CPQ: variants seen among roughly 807,000 people sequenced by gnomAD.
The protein encoded by CPQ is Ser-Met dipeptidase.
In CPQ, 37 loss-of-function variants were observed where a neutral mutation model predicts 45.7. That is an observed-to-expected ratio of 0.81 (90% CI 0.62 to 1.07). The LOEUF (loss-of-function observed/expected upper bound fraction) is 1.07. Among genes scored for constraint, CPQ ranks in the 50% least tolerant of loss-of-function variants. The pLI is 0.00. For missense variants in CPQ, 537 were observed against 572.9 expected, an observed-to-expected ratio of 0.94 and a Z score of 0.64; for synonymous variants, 186 against 205.8, an observed-to-expected ratio of 0.90 and a Z score of 0.82.
chr8:96,684,114 G>A (rs1007138622), intron 1 of CPQ, among the ~76,000 whole-genome samples: 3 of 151,906 alleles, frequency 2.0e-5, no homozygotes, highest in African/African-American at 4.8e-5. Flanking sequence ...TTGCTTTTTT[G>A]TGTTTTTTGT....
At chr8:96,969,016 T>C (rs1001942859) in intron 5 of CPQ, among the ~76,000 whole-genome samples, 1 of 152,250 alleles carries the variant, frequency 6.6e-6, no homozygotes, top group African/African-American at 2.4e-5. Flanking sequence ...GGACAAAGCC[T>C]ATGGCCAATG....
chr8:97,056,524 G>A (rs949208234), intron 6 of CPQ: 1 of 152,196 alleles, frequency 6.6e-6, no homozygotes, highest in African/African-American at 2.4e-5. Flanking sequence ...GTAAACAAAT[G>A]TCAAGTGCAG....
At chr8:97,078,828 TG>T (rs1160707388) in intron 7 of CPQ, among the ~76,000 whole-genome samples, 2 of 148,400 alleles carry the variant, frequency 1.3e-5, no homozygotes, top group Non-Finnish European at 3.0e-5. Flanking sequence ...TTTTTAGAGA[TG>T]GGATCTCACC....
chr8:96,883,642 T>C (rs1812260691), intron 4 of CPQ, among the ~76,000 whole-genome samples: 1 of 152,148 alleles, frequency 6.6e-6, no homozygotes, highest in Non-Finnish European at 1.5e-5. Flanking sequence ...ATACAGACTA[T>C]GAAGGCAAGC....
intron 1 of CPQ, among the ~76,000 whole-genome samples, chr8:96,759,480 T>G (rs2319923): frequency 0.54 from 82,574 of 151,922 alleles, 23,599 homozygotes; most frequent in East Asian, 0.86. Flanking sequence ...ACCAACTTAT[T>G]TTTTGGTGAA....
At chr8:96,972,290 C>T (rs1042991956) in intron 5 of CPQ, among the ~76,000 whole-genome samples, 3 of 152,120 alleles carry the variant, frequency 2.0e-5, no homozygotes, top group African/African-American at 7.2e-5. Flanking sequence ...CCATAATCCC[C>T]CTGGGAATAT....
intron 6 of CPQ, among the ~76,000 whole-genome samples, chr8:97,031,433 G>C (rs754766777): frequency 1.3e-5 from 2 of 151,976 alleles, no homozygotes; most frequent in Non-Finnish European, 2.9e-5. Flanking sequence ...TGATCTGCCC[G>C]CCTCGGCCTC....
At chr8:96,675,488 A>C (rs1365941704) in intron 1 of CPQ, among the ~76,000 whole-genome samples, 2 of 152,082 alleles carry the variant, frequency 1.3e-5, no homozygotes, top group Non-Finnish European at 2.9e-5. Flanking sequence ...ATAAACATTT[A>C]AACTATTCCT....
intron 1 of CPQ, among the ~76,000 whole-genome samples, chr8:96,721,571 T>C (rs6994972): frequency 0.024 from 3,649 of 152,122 alleles, 162 homozygotes; most frequent in African/African-American, 0.083. Flanking sequence ...GGACAATAAT[T>C]TTCTAACAGG....
At position 96,851,791 on chromosome 8, in the gene CPQ, G is replaced by T. The variant is rs531076181; in HGVS notation, c.641+16611G>T. Among the ~76,000 whole-genome samples, 163 of 152,318 alleles carry T rather than the reference G, an allele frequency of 1.1e-3. 2 individuals are homozygous for T. The highest frequency in any genetic ancestry group is 8.5e-3 in the South Asian group (41 of 4,828). ...TATGAGATTAGATGGATTTGAAGGGGACTCGACAGTCTTGGGCCCTTTGTT... is the reference window on the plus strand; with the variant it reads ...TATGAGATTAGATGGATTTGAAGGGTACTCGACAGTCTTGGGCCCTTTGTT... On this transcript the variant is annotated intron_variant, in intron 3 of 7. Coordinates refer to ENST00000220763, the MANE Select transcript of CPQ (RefSeq NM_016134.4).
At chr8:96,737,254 C>A (rs2319921) in intron 1 of CPQ, among the ~76,000 whole-genome samples, 83,890 of 123,482 alleles carry the variant, frequency 0.68, 28,311 homozygotes, top group East Asian at 0.79. Context: ...CACACACACA[C>A]AAAAAAAAAC....
chr8:96,681,613 A>G (rs929817318), intron 1 of CPQ, among the ~76,000 whole-genome samples: 2 of 152,304 alleles, frequency 1.3e-5, no homozygotes, highest in African/African-American at 4.8e-5. Flanking sequence ...TTGGAACCCA[A>G]CACAGAAACC....
intron 5 of CPQ, among the ~76,000 whole-genome samples, chr8:96,986,764 A>G (rs1808990433): frequency 1.3e-5 from 2 of 152,202 alleles, no homozygotes; most frequent in Admixed American, 1.3e-4. Context: ...AGGAGGATAA[A>G]TAATACAGTT....
intron 1 of CPQ, among the ~76,000 whole-genome samples, chr8:96,770,759 C>T (rs1234843475): frequency 3.4e-5 from 5 of 145,820 alleles, no homozygotes; most frequent in East Asian, 2.0e-4. Context: ...AGTATTGAAC[C>T]GACAGTAGGT....
chr8:96,808,299 G>T (rs1294761376), intron 2 of CPQ, among the ~76,000 whole-genome samples: 1 of 152,130 alleles, frequency 6.6e-6, no homozygotes, highest in Non-Finnish European at 1.5e-5. Flanking sequence ...ATAGTGACGT[G>T]AAGCTTGGTA....
At chr8:97,109,560 A>T (rs917427116) in intron 7 of CPQ, among the ~76,000 whole-genome samples, 2 of 151,882 alleles carry the variant, frequency 1.3e-5, no homozygotes, top group Non-Finnish European at 2.9e-5. Flanking sequence ...GTCTACCAGA[A>T]CCTTGCTCTG....
intron 6 of CPQ, among the ~76,000 whole-genome samples, chr8:97,039,929 G>A (rs1367710087): frequency 6.6e-6 from 1 of 151,926 alleles, no homozygotes; most frequent in Non-Finnish European, 1.5e-5. Flanking sequence ...TGTGAATAGT[G>A]CCACAATAAA....
At chr8:96,937,796 A>G (rs1356161518) in intron 4 of CPQ, among the ~76,000 whole-genome samples, 1 of 152,158 alleles carries the variant, frequency 6.6e-6, no homozygotes, top group Non-Finnish European at 1.5e-5. Flanking sequence ...TACAGAAGCT[A>G]AGCTTGCTTC....
intron 1 of CPQ, among the ~76,000 whole-genome samples, chr8:96,697,652 T>A (rs1809403558): frequency 6.6e-6 from 1 of 152,128 alleles, no homozygotes; most frequent in African/African-American, 2.4e-5. Context: ...GTTCAACAAA[T>A]TCAGTAAGGT....
Sources: gnomAD v4.1 joint callset for allele counts (sites outside exome capture counted in the v4.1 genomes callset) on GRCh38, gnomAD v4.1.1 for gene constraint, MANE v1.5 for transcripts, NCBI Gene and HGNC (gene_info 2026-07-23, HGNC 2026-07-21) for gene names.